The following MMRN1 variants were observed in gnomAD, a reference collection of about 807,000 sequenced individuals.
The protein encoded by MMRN1 is multimerin-1.
In MMRN1, 94 loss-of-function variants were observed where a neutral mutation model predicts 100.7. That is an observed-to-expected ratio of 0.93 (90% CI 0.79 to 1.11). MMRN1 has a LOEUF of 1.11. Ranked by LOEUF, MMRN1 falls within the 50% of genes least tolerant of loss-of-function variation. The pLI is 0.00. For synonymous variants in MMRN1, 575 were observed against 505.0 expected, an observed-to-expected ratio of 1.14 and a Z score of -1.86; for missense variants, 1,606 against 1,439.1, an observed-to-expected ratio of 1.12 and a Z score of -1.88.
At chr4:89,952,918 TA>T in intron 7 of MMRN1, 78 bp from the exon 8 acceptor site, 1 of 1,377,874 alleles carries the variant, frequency 7.3e-7, no homozygotes, top group South Asian at 1.5e-5. Flanking sequence ...GTAACTGAGA[TA>T]AAAATGACGA....
At chr4:89,902,083 T>C (rs952072207) in intron 1 of MMRN1, 4 of 143,226 alleles carry the variant, frequency 2.8e-5, no homozygotes, top group African/African-American at 1.1e-4. Context: ...GTCACAGTTT[T>C]GCAAGGAAGG....
intron 1 of MMRN1, among the ~76,000 whole-genome samples, chr4:89,901,099 T>G (rs1287986552): frequency 7.1e-6 from 1 of 141,320 alleles, no homozygotes; most frequent in African/African-American, 2.7e-5. Flanking sequence ...AATTGAGGTA[T>G]GAAGGAAGGC....
chr4:89,937,388 G>A (rs116537589), intron 6 of MMRN1, among the ~76,000 whole-genome samples: 14 of 152,200 alleles, frequency 9.2e-5, no homozygotes, highest in Non-Finnish European at 1.9e-4. Context: ...AGTGTGTAGT[G>A]TGATTGCAGA....
intron 3 of MMRN1, among the ~76,000 whole-genome samples, chr4:89,922,138 C>A (rs1722108204): frequency 6.6e-6 from 1 of 152,044 alleles, no homozygotes; most frequent in South Asian, 2.1e-4. Flanking sequence ...CAGAGTCCTG[C>A]TCTATCCCCC....
intron 3 of MMRN1, among the ~76,000 whole-genome samples, chr4:89,922,250 A>G (rs1722112373): frequency 6.6e-6 from 1 of 151,772 alleles, no homozygotes; most frequent in African/African-American, 2.4e-5. Flanking sequence ...AATTACAGGC[A>G]CCTGAGCCAC....
At chr4:89,912,495 AG>A (rs1361617488) in intron 3 of MMRN1, among the ~76,000 whole-genome samples, 1 of 151,202 alleles carries the variant, frequency 6.6e-6, no homozygotes, top group Non-Finnish European at 1.5e-5. Context: ...AGGACATACA[AG>A]GTATGTCATG....
rs1722732006 is a variant in MMRN1 at position 89,938,719 on chromosome 4, C to T, written c.3118+1921C>T. Among the ~76,000 whole-genome samples, 4 of 151,576 alleles carry T rather than the reference C, an allele frequency of 2.6e-5. No homozygotes were observed. The South Asian group carries it at 8.4e-4, about 32-fold the overall frequency. ...AATAGACTAATAATAGGAAATAACT[C>T]AGTTTTGATTCTTATTTTCCAATAA... On this transcript the variant is annotated intron_variant, in intron 6 of 7. Coordinates refer to ENST00000264790, the MANE Select transcript of MMRN1 (RefSeq NM_007351.3).
Position 89,894,861 on chromosome 4 carries a change from A to T in MMRN1, c.-111A>T. The stretch of plus-strand genomic sequence containing the variant: ...GAAACCTGTTTCCTCTACACATCTC[A>T]AACTGGCAAAACTCAGTCTTAGCAG... On this transcript the variant is annotated 5_prime_UTR_variant, in exon 1 of 8. Coordinates refer to ENST00000264790, the MANE Select transcript of MMRN1 (RefSeq NM_007351.3). 1 of 1,481,576 alleles carries T rather than the reference A, an allele frequency of 6.7e-7. No homozygotes were observed. The allele number at this position is 1,481,576 out of a possible 1,614,324, so 91.8% of individuals were successfully genotyped here.
chr4:89,909,416 A>G (rs767675755), intron 2 of MMRN1, 21 bp downstream of exon 2: 73 of 1,607,496 alleles, frequency 4.5e-5, no homozygotes, highest in Non-Finnish European at 6.0e-5. Flanking sequence ...TTTCTTGAAA[A>G]TAGCCACTGT....
At chr4:89,950,511 C>T (rs1479429) in intron 6 of MMRN1, among the ~76,000 whole-genome samples, 42,759 of 151,838 alleles carry the variant, frequency 0.28, 6,646 homozygotes, top group Non-Finnish European at 0.35. Flanking sequence ...ATATTTTCTA[C>T]GTATCTTTTT....
chr4:89,931,576 T>C (rs1393119862), intron 5 of MMRN1, among the ~76,000 whole-genome samples: 1 of 152,112 alleles, frequency 6.6e-6, no homozygotes, highest in African/African-American at 2.4e-5. Flanking sequence ...GGGTAATTTA[T>C]ATAGAAAAAG....
chr4:89,900,473 A>G (rs1475007730), intron 1 of MMRN1, among the ~76,000 whole-genome samples: 1 of 151,872 alleles, frequency 6.6e-6, no homozygotes, highest in African/African-American at 2.4e-5. Context: ...TTCTCTTACC[A>G]CCCAATGTAA....
chr4:89,948,168 C>T (rs1578506223), intron 6 of MMRN1, among the ~76,000 whole-genome samples: 1 of 152,252 alleles, frequency 6.6e-6, no homozygotes, highest in South Asian at 2.1e-4. Flanking sequence ...TGATTTCTAA[C>T]TCATTGTATA....
At chr4:89,907,017 C>T (rs955295689) in intron 1 of MMRN1, among the ~76,000 whole-genome samples, 1 of 151,496 alleles carries the variant, frequency 6.6e-6, no homozygotes, top group African/African-American at 2.4e-5. Context: ...CTGCCCCACA[C>T]TCCCTCCTCC....
At chr4:89,917,039 C>T (rs1030448285) in intron 3 of MMRN1, among the ~76,000 whole-genome samples, 1 of 151,660 alleles carries the variant, frequency 6.6e-6, no homozygotes, top group Non-Finnish European at 1.5e-5. Context: ...CATGCTCCTA[C>T]TGAAGTCTCA....
intron 7 of MMRN1, 41 bp from the exon 8 acceptor site, chr4:89,952,956 A>G: frequency 6.6e-7 from 1 of 1,513,790 alleles, no homozygotes; most frequent in Non-Finnish European, 8.9e-7. Context: ...AAATAAGATA[A>G]AAACATGAAA....
At chr4:89,933,559 G>T (rs995340599) in intron 5 of MMRN1, among the ~76,000 whole-genome samples, 1 of 152,138 alleles carries the variant, frequency 6.6e-6, no homozygotes. Context: ...ACATGGCTGG[G>T]GGAGCTTCAC....
At chr4:89,904,312 G>A (rs34305125) in intron 1 of MMRN1, among the ~76,000 whole-genome samples, 3,230 of 151,134 alleles carry the variant, frequency 0.021, 89 homozygotes, top group Admixed American at 0.087. Flanking sequence ...CATTCTATCC[G>A]TCTTTAAATG....
intron 1 of MMRN1, among the ~76,000 whole-genome samples, chr4:89,883,222 T>C (rs1720860256): frequency 6.6e-6 from 1 of 152,118 alleles, no homozygotes; most frequent in Non-Finnish European, 1.5e-5. Flanking sequence ...CAAGTCTTTT[T>C]GTAGACACAT....
Sources: gnomAD v4.1 joint callset for allele counts (sites outside exome capture counted in the v4.1 genomes callset) on GRCh38, gnomAD v4.1.1 for gene constraint, MANE v1.5 for transcripts, NCBI Gene and HGNC (gene_info 2026-07-23, HGNC 2026-07-21) for gene names.